Variants in ARID1B observed in about 807,000 individuals in gnomAD.
ARID1B encodes AT-rich interaction domain 1B, also known as AT-rich interactive domain-containing protein 1B.
In ARID1B, 30 loss-of-function variants were observed where a neutral mutation model predicts 212.3. The observed-to-expected ratio is 0.14, with a 90% CI of 0.11 to 0.19. The LOEUF (loss-of-function observed/expected upper bound fraction) is 0.19. ARID1B is among the 10% of genes least tolerant of loss of function. ARID1B has a pLI of 1.00. For missense variants in ARID1B, 2,891 were observed against 3,204.0 expected (o/e 0.90, Z 2.36); for synonymous variants, 1,402 against 1,301.7 (o/e 1.08, Z -1.66).
At position 157,190,743 on chromosome 6, in the gene ARID1B, ATAAGT is replaced by A. The variant is rs778853028; in HGVS notation, c.4231+538_4231+542del. Among the ~76,000 whole-genome samples, 24 of 152,226 alleles carry A rather than the reference ATAAGT, an allele frequency of 1.6e-4. No individual in the cohort carries two copies. The highest frequency in any genetic ancestry group is 2.2e-4 in the African/African-American group (9 of 41,456). ...CTTACTTCCTGGGAGGAAGCAAAAA[ATAAGT>A]TAAGCACAAATAAGCAGTTAAAGAT... On this transcript the variant is annotated intron_variant, in intron 15 of 19. Transcript: ENST00000636930. The surrounding 1 kb of genome is among the most constrained non-coding windows in gnomAD (Gnocchi z 4.6).
chr6:157,042,001 G>A (rs965548705), intron 4 of ARID1B, among the ~76,000 whole-genome samples: 15 of 152,260 alleles, frequency 9.9e-5, no homozygotes, highest in Admixed American at 5.9e-4. Context: ...CCTCAGCAGC[G>A]TTTTGTTGAT....
chr6:156,842,963 C>T (rs1191405931), intron 2 of ARID1B, among the ~76,000 whole-genome samples: 2 of 152,262 alleles, frequency 1.3e-5, no homozygotes, highest in Non-Finnish European at 2.9e-5. Flanking sequence ...CCAGACCAGC[C>T]TTGCTGTGTG....
chr6:157,133,848 G>A (rs1788720210), intron 7 of ARID1B, among the ~76,000 whole-genome samples: 1 of 152,148 alleles, frequency 6.6e-6, no homozygotes, highest in Non-Finnish European at 1.5e-5. Context: ...TCCTGGAAGT[G>A]GATGTAGGTT....
rs1562404021 is a variant in ARID1B, at chr6:156,812,973, T to TAC, written c.1792-16254_1792-16253insAC. Among the ~76,000 whole-genome samples, 45 of 139,344 alleles carry TAC rather than the reference T, an allele frequency of 3.2e-4. 1 individual carries two copies. The highest frequency in any genetic ancestry group is 1.2e-3 in the Admixed American group (17 of 14,156). The allele number at this position is 139,344 out of a possible 152,430, so 91.4% of individuals were successfully genotyped here. ...GTGTGTGTGTGTGTGTGTGTGTGTG[T>TAC]GTGTATGTATATACATACGTATGTA... is the stretch of plus-strand genomic sequence containing the variant. On this transcript the variant is annotated intron_variant, in intron 1 of 19. Coordinates refer to ENST00000636930, the MANE Select transcript of ARID1B (RefSeq NM_001374828.1).
At chr6:156,921,652 T>C (rs1790812963) in intron 3 of ARID1B, among the ~76,000 whole-genome samples, 1 of 152,210 alleles carries the variant, frequency 6.6e-6, no homozygotes, top group African/African-American at 2.4e-5. Flanking sequence ...TCTGTACTCT[T>C]AGAGTGGGGA....
intron 5 of ARID1B, 72 bp downstream of exon 5, chr6:157,084,977 C>CA (rs1486350690): frequency 6.6e-7 from 1 of 1,516,270 alleles, no homozygotes; most frequent in Admixed American, 2.1e-5. Context: ...AACAGTAACT[C>CA]ACATTACTTT....
At chr6:156,846,323 A>ATTTTTT (rs11368033) in intron 2 of ARID1B, among the ~76,000 whole-genome samples, 1 of 143,676 alleles carries the variant, frequency 7.0e-6, no homozygotes. Flanking sequence ...CCTGGCTAAT[A>ATTTTTT]TTTTTTTTTT....
chr6:156,781,649 T>C (rs913934165), intron 1 of ARID1B, among the ~76,000 whole-genome samples: 1 of 152,116 alleles, frequency 6.6e-6, no homozygotes, highest in African/African-American at 2.4e-5. Context: ...AGTTTTGCTT[T>C]TAAGGATAAT....
intron 4 of ARID1B, among the ~76,000 whole-genome samples, chr6:157,043,129 T>C (rs1781999076): frequency 6.6e-6 from 1 of 152,196 alleles, no homozygotes; most frequent in African/African-American, 2.4e-5. Flanking sequence ...TGATTAGATA[T>C]CTTAGAGAAA....
chr6:157,108,882 C>G lies in ARID1B; in HGVS notation c.2492-1590C>G, dbSNP rs143689617. 1.3e-3 allele frequency among the ~76,000 whole-genome samples: 202 copies of G among 152,258 alleles called. No individual in the cohort carries two copies. In the Middle Eastern group the frequency reaches 0.034, roughly 26 times the overall value. The stretch of plus-strand genomic sequence containing the variant: ...TTTCTCAGTGTCTATAAATTCAGGT[C>G]TTTGGTTTTCACTTAATCTGAAAAT... On this transcript the variant is annotated intron_variant, in intron 5 of 19. Transcript: ENST00000636930.
chr6:157,093,010 T>C (rs1259413062), intron 5 of ARID1B, among the ~76,000 whole-genome samples: 1 of 152,316 alleles, frequency 6.6e-6, no homozygotes, highest in South Asian at 2.1e-4. Context: ...CTCAGCTGAG[T>C]GTCACTGCGT....
intron 7 of ARID1B, among the ~76,000 whole-genome samples, chr6:157,143,746 C>G (rs1204010532): frequency 6.6e-6 from 1 of 152,140 alleles, no homozygotes; most frequent in Non-Finnish European, 1.5e-5. Flanking sequence ...CCGTTTTAAG[C>G]CTTTAGAAAC....
intron 2 of ARID1B, among the ~76,000 whole-genome samples, chr6:156,866,049 T>C (rs1785664438): frequency 6.6e-6 from 1 of 152,192 alleles, no homozygotes; most frequent in Admixed American, 6.5e-5. Flanking sequence ...TCATAAGAAC[T>C]ACTGTGGGGA....
chr6:156,931,074 C>T (rs1208683813), intron 3 of ARID1B, among the ~76,000 whole-genome samples: 1 of 151,780 alleles, frequency 6.6e-6, no homozygotes, highest in East Asian at 1.9e-4. Context: ...CCTGTAGTCC[C>T]AGCTACTCGG....
chr6:156,888,388 G>A (rs575255857), intron 2 of ARID1B, among the ~76,000 whole-genome samples: 1 of 152,326 alleles, frequency 6.6e-6, no homozygotes, highest in African/African-American at 2.4e-5. Context: ...ACATACTGTA[G>A]CCTGACACTT....
chr6:156,886,644 G>T (rs9383816), intron 2 of ARID1B, among the ~76,000 whole-genome samples: 3 of 152,080 alleles, frequency 2.0e-5, no homozygotes, highest in Admixed American at 6.5e-5. Context: ...TGACTACTGG[G>T]TGAAATTATG....
chr6:157,087,467 T>C (rs6926659), intron 5 of ARID1B, among the ~76,000 whole-genome samples: 122,032 of 152,122 alleles, frequency 0.8, 49,075 homozygotes, highest in East Asian at 0.87. Flanking sequence ...AACCCCACCT[T>C]ATAGGGGAAA....
At chr6:156,832,949 C>T (rs937799828) in intron 2 of ARID1B, among the ~76,000 whole-genome samples, 1 of 152,108 alleles carries the variant, frequency 6.6e-6, no homozygotes, top group African/African-American at 2.4e-5. Context: ...CTTTCACTTG[C>T]CAGTTCTCCC....
chr6:157,089,964 T>C (rs2128473038), intron 5 of ARID1B, among the ~76,000 whole-genome samples: 1 of 152,302 alleles, frequency 6.6e-6, no homozygotes, highest in African/African-American at 2.4e-5. Context: ...GGATGTGTAT[T>C]GAACAGGTCT....
Sources: allele counts gnomAD v4.1 joint callset (sites outside exome capture counted in the v4.1 genomes callset), GRCh38; gene constraint gnomAD v4.1.1; non-coding constraint Gnocchi (gnomAD v3.1); transcripts MANE v1.5; gene names NCBI Gene and HGNC (gene_info 2026-07-23, HGNC 2026-07-21).